Variants in NF2 observed in about 807,000 individuals in gnomAD.
NF2 encodes the protein NF2, moesin-ezrin-radixin like (MERLIN) tumor suppressor, also known as merlin.
Under a neutral mutation model 83.7 loss-of-function variants are expected in NF2, and 8 were observed. The observed-to-expected ratio is 0.10, with a 90% CI of 0.06 to 0.17. The LOEUF (loss-of-function observed/expected upper bound fraction) is 0.17. Ranked by LOEUF, NF2 falls within the 10% of genes least tolerant of loss-of-function variation. NF2 has a pLI of 1.00. For synonymous variants in NF2, 266 were observed against 269.6 expected, an observed-to-expected ratio of 0.99 and a Z score of 0.13; for missense variants, 533 against 744.4, an observed-to-expected ratio of 0.72 and a Z score of 3.31.
At chr22:29,683,264 C>T in intron 15 of NF2, 1 of 1,494,924 alleles carries the variant, frequency 6.7e-7, no homozygotes, top group Non-Finnish European at 8.9e-7. Flanking sequence ...CTCCAGGGCC[C>T]CAGAAGACTG....
chr22:29,693,014 G>T (rs1166699493), intron 15 of NF2, among the ~76,000 whole-genome samples: 1 of 152,224 alleles, frequency 6.6e-6, no homozygotes. Flanking sequence ...GCCTGTATCT[G>T]ACTCAAAGTG....
At chr22:29,673,577 C>G (rs779038315) in intron 12 of NF2, 91 bp downstream of exon 12, 12 of 1,379,956 alleles carry the variant, frequency 8.7e-6, no homozygotes, top group Non-Finnish European at 1.2e-5. Flanking sequence ...AGCAGTTGTC[C>G]TCAAGCTGCT....
chr22:29,683,644 G>A (rs1196890994), intron 15 of NF2: 1 of 1,086,314 alleles, frequency 9.2e-7, no homozygotes, highest in East Asian at 4.6e-5. Context: ...GGTCTGATAT[G>A]TGAGTCCACG....
In NF2 at chr22:29,624,798, CCTCTTTCTTTCTTTCTTT is replaced by C. The variant is rs1248336383; in HGVS notation, c.115-11950_115-11933del. Among the ~76,000 whole-genome samples, 496 of 141,964 alleles carry C rather than the reference CCTCTTTCTTTCTTTCTTT, an allele frequency of 3.5e-3. 8 individuals carry two copies. The highest frequency in any genetic ancestry group is 0.012 in the African/African-American group (461 of 36,884). The allele number at this position is 141,964 out of a possible 152,430, so 93.1% of individuals were successfully genotyped here. On this transcript the variant is annotated intron_variant, in intron 1 of 15. Coordinates refer to ENST00000338641, the MANE Select transcript of NF2 (RefSeq NM_000268.4). ...TTATGCCATGTTCTTGTTGAAGGGT[CCTCTTTCTTTCTTTCTTT>C]CTTTCTTTCTTTCTTTCTTTCTTTC...
chr22:29,662,620 C>T (rs1399129243), intron 8 of NF2, among the ~76,000 whole-genome samples: 2 of 152,172 alleles, frequency 1.3e-5, no homozygotes, highest in African/African-American at 4.8e-5. Flanking sequence ...GCACATTCAC[C>T]CTGACCGTCT....
At chr22:29,651,008 T>C (rs181290076) in intron 4 of NF2, among the ~76,000 whole-genome samples, 6 of 152,378 alleles carry the variant, frequency 3.9e-5, no homozygotes, top group Non-Finnish European at 8.8e-5. Context: ...TTTGTATGTT[T>C]TGAGTGACTT....
intron 15 of NF2, among the ~76,000 whole-genome samples, chr22:29,693,818 G>A (rs1349112422): frequency 3.1e-4 from 47 of 152,116 alleles, no homozygotes; most frequent in Admixed American, 3.1e-3. Flanking sequence ...AAGATGAATG[G>A]TACAGACTCC....
intron 15 of NF2, chr22:29,683,130 T>C (rs2067189131): frequency 2.5e-6 from 4 of 1,613,140 alleles, no homozygotes; most frequent in African/African-American, 1.3e-5. Flanking sequence ...AACCCGTGCA[T>C]GAGCTTGCCT....
In NF2 at chr22:29,609,106, G is replaced by A. The variant is rs1398443120; in HGVS notation, c.114+4994G>A. On this transcript the variant is annotated intron_variant, in intron 1 of 15. Coordinates refer to ENST00000338641, the MANE Select transcript of NF2 (RefSeq NM_000268.4). ...CCAATCAGTACATCTTTCATCTCGA[G>A]GAAACTGAGAACCCAGGGGCTTTGA... 1.2e-5 allele frequency: 9 copies of A among 748,968 alleles called. No homozygotes were observed. In the African/African-American group the frequency reaches 1.5e-4, roughly 13 times the overall value. The allele number at this position is 748,968 out of a possible 1,614,324, so 46.4% of individuals were successfully genotyped here.
chr22:29,604,226 A>C (rs942269573), intron 1 of NF2, 114 bp downstream of exon 1: 3 of 835,214 alleles, frequency 3.6e-6, no homozygotes, highest in East Asian at 2.6e-5. Context: ...GGAAGGGCCA[A>C]CTAGGCCCAA....
intron 1 of NF2, among the ~76,000 whole-genome samples, chr22:29,608,388 C>T (rs1395822905): frequency 2.0e-5 from 3 of 150,014 alleles, no homozygotes; most frequent in Admixed American, 6.6e-5. Context: ...AAGCGATTCT[C>T]CTGCCTCAGC....
intron 1 of NF2, among the ~76,000 whole-genome samples, chr22:29,614,588 A>AG (rs1469715453): frequency 3.3e-5 from 5 of 151,654 alleles, no homozygotes; most frequent in Non-Finnish European, 2.9e-5. Flanking sequence ...TCTAAAAAAA[A>AG]AAAAAAAAAT....
intron 10 of NF2, among the ~76,000 whole-genome samples, chr22:29,670,732 G>A (rs1003193119): frequency 6.6e-6 from 1 of 152,174 alleles, no homozygotes; most frequent in African/African-American, 2.4e-5. Context: ...GCACTGTCTT[G>A]TGCTTGTTCC....
intron 8 of NF2, among the ~76,000 whole-genome samples, chr22:29,664,072 C>G (rs1162843847): frequency 6.6e-6 from 1 of 152,184 alleles, no homozygotes; most frequent in Non-Finnish European, 1.5e-5. Flanking sequence ...TGTTCAGAAA[C>G]CTGTGGTGAG....
At chr22:29,693,507 A>G (rs377298644) in intron 15 of NF2, among the ~76,000 whole-genome samples, 18 of 151,940 alleles carry the variant, frequency 1.2e-4, no homozygotes, top group East Asian at 9.7e-4. Flanking sequence ...CCCTTTATGG[A>G]GCCGCCGATA....
In NF2 at chr22:29,606,650, C is replaced by T. The variant is rs546924782; in HGVS notation, c.114+2538C>T. Among the ~76,000 whole-genome samples the T allele has an allele frequency of 5.3e-5, 8 of 152,278 alleles. No individual in the cohort carries two copies. In the South Asian group the frequency reaches 1.7e-3, roughly 32 times the overall value. On this transcript the variant is annotated intron_variant, in intron 1 of 15. Coordinates refer to ENST00000338641, the MANE Select transcript of NF2 (RefSeq NM_000268.4). The stretch of plus-strand genomic sequence containing the variant: ...TGGTAAGAGGCAACTGGGAGATCTG[C>T]GGATTTAATGGAGATGCAGCCTAGA...
At chr22:29,648,841 C>T (rs2066058764) in intron 4 of NF2, among the ~76,000 whole-genome samples, 1 of 152,212 alleles carries the variant, frequency 6.6e-6, no homozygotes, top group Non-Finnish European at 1.5e-5. Context: ...ATACCCGCCT[C>T]AGCCTCCCAA....
At chr22:29,668,983 A>G (rs2066706977) in intron 10 of NF2, among the ~76,000 whole-genome samples, 1 of 152,092 alleles carries the variant, frequency 6.6e-6, no homozygotes, top group African/African-American at 2.4e-5. Flanking sequence ...ATTGTTTTCT[A>G]CTCATAAACC....
rs750431087 is a variant in NF2, at chr22:29,642,204, A to G, written c.366A>G (p.Val122=). 6.2e-7 allele frequency: 1 copy of G among 1,613,678 alleles called. No homozygotes were observed. The change falls in exon 4 of 16, where the codon GTA becomes GTG. Residue 122 remains valine (V), a splice_region_variant and synonymous_variant. Coordinates refer to ENST00000338641, the MANE Select transcript of NF2 (RefSeq NM_000268.4). Reference sequence around the variant, plus strand: ...GTCTCCCTTGTTGCTCCTTTCAGGTAAAGAAGCAGATTTTAGATGAAAAGA... The same window carrying G: ...GTCTCCCTTGTTGCTCCTTTCAGGTGAAGAAGCAGATTTTAGATGAAAAGA... ...EITQHLFFLQ[V]KKQILDEKIY... is the part of the protein sequence containing the mutation.
Sources: gnomAD v4.1 joint callset for allele counts (sites outside exome capture counted in the v4.1 genomes callset) on GRCh38, gnomAD v4.1.1 for gene constraint, MANE v1.5 for transcripts, NCBI Gene and HGNC (gene_info 2026-07-23, HGNC 2026-07-21) for gene names.